Variants in AGTPBP1 observed in about 807,000 individuals in gnomAD.
AGTPBP1 encodes the protein cytosolic carboxypeptidase 1.
A neutral mutation model predicts 143.9 loss-of-function variants in AGTPBP1; 70 were observed. That is an observed-to-expected ratio of 0.49 (90% confidence interval 0.40 to 0.59). The LOEUF is 0.59. Ranked by LOEUF, AGTPBP1 falls within the 20% of genes least tolerant of loss-of-function variation. The pLI is 0.00. For synonymous variants in AGTPBP1, 463 were observed against 500.2 expected (o/e 0.93, Z 0.99); for missense variants, 1,229 against 1,464.5 (o/e 0.84, Z 2.62).
intron 8 of AGTPBP1, among the ~76,000 whole-genome samples, chr9:85,663,959 C>A (rs1158681185): frequency 6.6e-6 from 1 of 152,074 alleles, no homozygotes; most frequent in Non-Finnish European, 1.5e-5. Flanking sequence ...ATAACTGTGA[C>A]TACTACTCAA....
intron 12 of AGTPBP1, among the ~76,000 whole-genome samples, chr9:85,645,500 G>T (rs1184909436): frequency 6.6e-6 from 1 of 152,138 alleles, no homozygotes; most frequent in African/African-American, 2.4e-5. Context: ...ACATTTGCTG[G>T]TTATAAAATG....
At chr9:85,604,513 G>A (rs1377735444) in intron 17 of AGTPBP1, among the ~76,000 whole-genome samples, 1 of 152,048 alleles carries the variant, frequency 6.6e-6, no homozygotes, top group Non-Finnish European at 1.5e-5. Context: ...AGAAAGATGG[G>A]TACAAATAAG....
At chr9:85,762,671 A>C in the AGTPBP1 span, among the ~76,000 whole-genome samples, 289 of 151,650 alleles carry the variant, frequency 1.9e-3, 1 homozygote, top group Non-Finnish European at 3.2e-3. Context: ...ACCTAATGTA[A>C]ATGACGAGTT....
At chr9:85,744,122 G>T (rs1465166655), upstream of AGTPBP1, among the ~76,000 whole-genome samples, 1 of 151,700 alleles carries the variant, frequency 6.6e-6, no homozygotes, top group Admixed American at 6.6e-5. Flanking sequence ...TGTAGAGTCG[G>T]GGTCTCCCTA....
At chr9:85,782,817 T>G in the AGTPBP1 span, among the ~76,000 whole-genome samples, 1 of 152,256 alleles carries the variant, frequency 6.6e-6, no homozygotes, top group African/African-American at 2.4e-5. Context: ...ATTCTCAGTT[T>G]AGTAATACAG....
chr9:85,740,757 G>A (rs1271960633), intron 1 of AGTPBP1, among the ~76,000 whole-genome samples: 1 of 152,190 alleles, frequency 6.6e-6, no homozygotes, highest in Non-Finnish European at 1.5e-5. Flanking sequence ...ACTACAAATT[G>A]TCATGCATTG....
At chr9:85,801,384 T>C in the AGTPBP1 span, among the ~76,000 whole-genome samples, 1 of 152,240 alleles carries the variant, frequency 6.6e-6, no homozygotes, top group African/African-American at 2.4e-5. Flanking sequence ...TGAGATGTTC[T>C]GATACAGGCA....
chr9:85,558,601 C>T (rs1342277727), intron 25 of AGTPBP1, among the ~76,000 whole-genome samples: 1 of 149,672 alleles, frequency 6.7e-6, no homozygotes, highest in East Asian at 2.0e-4. Flanking sequence ...ATATTGCTAT[C>T]TTTCAACTTC....
intron 23 of AGTPBP1, 114 bp from the exon 24 acceptor site, chr9:85,579,210 G>A (rs1039282029): frequency 2.4e-5 from 25 of 1,033,908 alleles, no homozygotes; most frequent in African/African-American, 1.7e-4. Flanking sequence ...CCATGTGGAT[G>A]TTCTATTATA....
the AGTPBP1 span, among the ~76,000 whole-genome samples, chr9:85,748,386 T>G: frequency 6.6e-6 from 1 of 152,220 alleles, no homozygotes; most frequent in Non-Finnish European, 1.5e-5. Flanking sequence ...CTCTGCCCTC[T>G]TCTATACTCT....
Position 85,677,532 on chromosome 9 carries a change from A to C in AGTPBP1, c.340T>G (p.Leu114Val). The part of the protein sequence containing the change: ...FLVTKGGSQI[L>V]LQLLMNASKE... ...CTGGCATTCATAAGTAACTGCAACA[A>C]TATTTGTGAACCACCTTTGGTGACT... Residue 114 changes from leucine (L) to valine (V), a missense_variant, in exon 6 of 26, where the codon TTG (leucine) becomes GTG (valine). Around this residue, in one of 2 missense-constraint regions of AGTPBP1, gnomAD observed 743 missense variants for 812.2 expected, o/e 0.91. Transcript: ENST00000357081. The C allele has an allele frequency of 6.2e-7, 1 of 1,601,876 alleles. No individual in the cohort carries two copies. The highest frequency in any genetic ancestry group is 8.5e-7 in the Non-Finnish European group (1 of 1,174,226).
At chr9:85,661,660 C>T (rs978209129) in intron 8 of AGTPBP1, among the ~76,000 whole-genome samples, 1 of 152,092 alleles carries the variant, frequency 6.6e-6, no homozygotes, top group African/African-American at 2.4e-5. Flanking sequence ...AATACTCAGT[C>T]ACACATAGTG....
At chr9:85,668,209 T>G (rs62569198) in intron 8 of AGTPBP1, among the ~76,000 whole-genome samples, 8,320 of 152,202 alleles carry the variant, frequency 0.055, 368 homozygotes, top group African/African-American at 0.12. Context: ...TTGTGTAGGC[T>G]TGGAAATTTC....
At chr9:85,634,150 T>C (rs1381079354) in intron 13 of AGTPBP1, among the ~76,000 whole-genome samples, 5 of 135,090 alleles carry the variant, frequency 3.7e-5, no homozygotes, top group African/African-American at 1.4e-4. Context: ...ACCGAGATCA[T>C]GCCACTGCAC....
At chr9:85,697,445 G>GTTTTTTTTTTTTTTTT (rs758082233) in intron 2 of AGTPBP1, among the ~76,000 whole-genome samples, 2 of 65,068 alleles carry the variant, frequency 3.1e-5, no homozygotes, top group African/African-American at 6.5e-5. Flanking sequence ...TTTGTTTTTT[G>GTTTTTTTTTTTTTTTT]TTTTTTTTTT....
chr9:85,579,633 G>A (rs1215596229), intron 23 of AGTPBP1, among the ~76,000 whole-genome samples: 5 of 150,850 alleles, frequency 3.3e-5, no homozygotes, highest in African/African-American at 1.2e-4. Context: ...GCTATGACTA[G>A]AGAAATAATC....
intron 9 of AGTPBP1, among the ~76,000 whole-genome samples, chr9:85,660,395 A>G (rs1475584097): frequency 6.6e-6 from 1 of 152,212 alleles, no homozygotes; most frequent in Non-Finnish European, 1.5e-5. Context: ...CTCCAAAAGC[A>G]TAAGACATAT....
In AGTPBP1 at chr9:85,735,362, G is replaced by A. The variant is rs186077512; in HGVS notation, c.-34+6413C>T. 1.8e-4 allele frequency among the ~76,000 whole-genome samples: 28 copies of A among 152,294 alleles called. No homozygotes were observed. The East Asian group carries it at 2.7e-3, about 15-fold the overall frequency. ...AGCAACAGAAAATAGAACAGTGCCTGCCAGGGAATGGATTATGGGGGAGGG... is the reference window on the plus strand; with the variant it reads ...AGCAACAGAAAATAGAACAGTGCCTACCAGGGAATGGATTATGGGGGAGGG... On this transcript the variant is annotated intron_variant, in intron 1 of 25. Coordinates refer to ENST00000357081, the MANE Select transcript of AGTPBP1 (RefSeq NM_001330701.2).
chr9:85,560,321 A>G (rs1272727739), intron 25 of AGTPBP1, among the ~76,000 whole-genome samples: 1 of 152,230 alleles, frequency 6.6e-6, no homozygotes, highest in Non-Finnish European at 1.5e-5. Context: ...AATTGAAAAC[A>G]AGAACCAGCT....
Sources: allele counts gnomAD v4.1 joint callset (sites outside exome capture counted in the v4.1 genomes callset), GRCh38; gene constraint gnomAD v4.1.1; regional missense constraint gnomAD v4.1.1; transcripts MANE v1.5; gene names NCBI Gene and HGNC (gene_info 2026-07-23, HGNC 2026-07-21).